Variants in TTC28 observed in about 807,000 individuals in gnomAD.
The protein encoded by TTC28 is tetratricopeptide repeat protein 28.
In TTC28, 61 loss-of-function variants were observed where a neutral mutation model predicts 198.0. That is an observed-to-expected ratio of 0.31 (90% CI 0.25 to 0.38). TTC28 has a LOEUF of 0.38. Ranked by LOEUF, TTC28 falls within the 10% of genes least tolerant of loss-of-function variation. The pLI, the probability that TTC28 is intolerant of heterozygous loss-of-function variation, is 1.00. For missense variants in TTC28, 2,678 were observed against 3,164.0 expected (o/e 0.85, Z 3.69); for synonymous variants, 1,171 against 1,297.8 (o/e 0.90, Z 2.10).
Position 28,108,199 on chromosome 22 carries a change from T to C in TTC28, c.1646A>G (p.Asp549Gly), listed in dbSNP as rs1601628470. 6.4e-7 allele frequency: 1 copy of C among 1,551,482 alleles called. No homozygotes were observed. Among genetic ancestry groups the C allele is most frequent in the South Asian group, 1.2e-5 (1 of 84,052 alleles). The change falls in exon 7 of 23, where the codon GAC becomes GGC. Residue 549 changes from aspartate to glycine, a missense_variant. Asp to Gly is a moderately conservative substitution (Grantham distance 94). Coordinates refer to ENST00000397906, the MANE Select transcript of TTC28 (RefSeq NM_001145418.2). ...QELQISMEVNDRASQASTHGN... is the reference protein window; with the variant it reads ...QELQISMEVNGRASQASTHGN... ...ATGTGTGGAGGCCTGTGAGGCGCGG[T>C]CATTCACTTCCATGGAGATCTGCAG... is the stretch of plus-strand genomic sequence containing the variant.
At chr22:28,350,224 A>AT (rs995711594) in intron 2 of TTC28, among the ~76,000 whole-genome samples, 61 of 152,198 alleles carry the variant, frequency 4.0e-4, no homozygotes, top group African/African-American at 1.4e-3. Context: ...GATAAAGTAT[A>AT]TTTTTTTCTC....
intron 6 of TTC28, among the ~76,000 whole-genome samples, chr22:28,115,825 C>T (rs373857231): frequency 6.6e-6 from 1 of 152,166 alleles, no homozygotes; most frequent in Admixed American, 6.5e-5. Context: ...AGTTTGGTGG[C>T]CACTTCTGTT....
intron 5 of TTC28, among the ~76,000 whole-genome samples, chr22:28,179,703 C>T (rs1923523236): frequency 6.6e-6 from 1 of 152,124 alleles, no homozygotes; most frequent in Admixed American, 6.5e-5. Context: ...GGAATAGATC[C>T]CTGGCTGATC....
intron 2 of TTC28, among the ~76,000 whole-genome samples, chr22:28,540,263 G>A (rs950920043): frequency 1.3e-5 from 2 of 152,038 alleles, no homozygotes; most frequent in Admixed American, 6.6e-5. Context: ...CTTTACAATC[G>A]TGGTAGAAGG....
chr22:28,647,695 C>T (rs183831540), intron 1 of TTC28, among the ~76,000 whole-genome samples: 186 of 150,518 alleles, frequency 1.2e-3, no homozygotes, highest in Middle Eastern at 3.5e-3. Flanking sequence ...AAAAATTAGC[C>T]GGGTGTGGTG....
intron 6 of TTC28, among the ~76,000 whole-genome samples, chr22:28,160,721 G>A (rs569520929): frequency 6.6e-6 from 1 of 152,210 alleles, no homozygotes; most frequent in Non-Finnish European, 1.5e-5. Flanking sequence ...TGACACTGAG[G>A]AGTGGGACAA....
chr22:28,389,268 A>G (rs1436996526), intron 2 of TTC28, among the ~76,000 whole-genome samples: 8 of 152,148 alleles, frequency 5.3e-5, no homozygotes, highest in South Asian at 2.1e-4. Flanking sequence ...GGATTTTTGC[A>G]TCGATGTTCA....
At chr22:28,160,338 T>C (rs745920487) in intron 6 of TTC28, among the ~76,000 whole-genome samples, 22 of 152,216 alleles carry the variant, frequency 1.4e-4, no homozygotes, top group Non-Finnish European at 2.2e-4. Flanking sequence ...TATATGTACC[T>C]ACTATGTACC....
intron 2 of TTC28, among the ~76,000 whole-genome samples, chr22:28,621,756 A>G (rs1448546523): frequency 1.3e-5 from 2 of 149,714 alleles, no homozygotes; most frequent in Non-Finnish European, 3.0e-5. Context: ...AAAAAAAAAA[A>G]AAAAAAGAAA....
intron 6 of TTC28, among the ~76,000 whole-genome samples, chr22:28,149,055 C>T (rs977958142): frequency 6.6e-6 from 1 of 152,156 alleles, no homozygotes; most frequent in Admixed American, 6.5e-5. Flanking sequence ...CGTCATTGTA[C>T]GAACATCATC....
At chr22:28,223,832 G>A (rs1928073555) in intron 5 of TTC28, among the ~76,000 whole-genome samples, 1 of 152,102 alleles carries the variant, frequency 6.6e-6, no homozygotes, top group Non-Finnish European at 1.5e-5. Flanking sequence ...ACATTATAAA[G>A]AAATAAAAAC....
intron 2 of TTC28, among the ~76,000 whole-genome samples, chr22:28,503,952 A>G (rs1034722319): frequency 6.6e-6 from 1 of 152,254 alleles, no homozygotes; most frequent in Non-Finnish European, 1.5e-5. Flanking sequence ...CACCAGCTAA[A>G]GAATGGATCA....
chr22:28,034,139 G>A (rs1285693994), intron 12 of TTC28, among the ~76,000 whole-genome samples: 1 of 152,128 alleles, frequency 6.6e-6, no homozygotes, highest in African/African-American at 2.4e-5. Flanking sequence ...CTACTCTGAT[G>A]GCCATGATCT....
chr22:28,523,036 G>GT (rs1273036780), intron 2 of TTC28, among the ~76,000 whole-genome samples: 2 of 152,062 alleles, frequency 1.3e-5, no homozygotes, highest in African/African-American at 4.8e-5. Flanking sequence ...AGACGTTATG[G>GT]TATGTGAATT....
At chr22:28,611,356 C>T (rs553393187) in intron 2 of TTC28, among the ~76,000 whole-genome samples, 8 of 152,306 alleles carry the variant, frequency 5.3e-5, no homozygotes, top group South Asian at 4.1e-4. Context: ...ATCAGACTAA[C>T]GGCAGATCTC....
At chr22:28,550,217 A>C (rs913431368) in intron 2 of TTC28, among the ~76,000 whole-genome samples, 1 of 152,158 alleles carries the variant, frequency 6.6e-6, no homozygotes, top group African/African-American at 2.4e-5. Context: ...TCTTTAAAAG[A>C]ATTTTTTAGG....
intron 2 of TTC28, among the ~76,000 whole-genome samples, chr22:28,386,134 G>A (rs1299161319): frequency 6.6e-6 from 1 of 150,726 alleles, no homozygotes; most frequent in African/African-American, 2.4e-5. Context: ...AAATAGCCGG[G>A]CGTAGTGGCG....
At chr22:28,652,935 CT>C (rs964148701) in intron 1 of TTC28, among the ~76,000 whole-genome samples, 37 of 152,184 alleles carry the variant, frequency 2.4e-4, no homozygotes, top group African/African-American at 8.9e-4. Flanking sequence ...GAAAATGCCA[CT>C]TTATATCATT....
At chr22:28,172,559 T>A (rs1263330352) in intron 5 of TTC28, among the ~76,000 whole-genome samples, 3 of 152,192 alleles carry the variant, frequency 2.0e-5, no homozygotes, top group Non-Finnish European at 2.9e-5. Context: ...CAGGGAGACA[T>A]AGGAGCTGCT....
Sources: allele counts gnomAD v4.1 joint callset (sites outside exome capture counted in the v4.1 genomes callset), GRCh38; gene constraint gnomAD v4.1.1; transcripts MANE v1.5; gene names NCBI Gene and HGNC (gene_info 2026-07-23, HGNC 2026-07-21).